Variants in TOMM20L observed in about 807,000 individuals in gnomAD.
The protein encoded by TOMM20L is translocase of outer mitochondrial membrane 20 like, also known as TOMM20-like protein 1.
In TOMM20L, 19 loss-of-function variants were observed where a neutral mutation model predicts 20.4. That is an observed-to-expected ratio of 0.93 (90% CI 0.65 to 1.36). The LOEUF (loss-of-function observed/expected upper bound fraction) is 1.36. Ranked by LOEUF, TOMM20L falls within the 40% of genes most tolerant of loss-of-function variation. The probability of loss-of-function intolerance (pLI) is 0.00; values close to 1 mark genes in which losing one functional copy is unlikely to be tolerated. For synonymous variants in TOMM20L, 75 were observed against 79.6 expected (o/e 0.94, Z 0.30); for missense variants, 218 against 203.7 (o/e 1.07, Z -0.43).
At position 58,400,449 on chromosome 14, in the gene TOMM20L, A is replaced by C. The variant is rs533226624; in HGVS notation, c.181-2231A>C. 7.9e-5 allele frequency among the ~76,000 whole-genome samples: 12 copies of C among 151,490 alleles called. No individual in the cohort carries two copies. The East Asian group carries it at 1.8e-3, about 22-fold the overall frequency. The stretch of plus-strand genomic sequence containing the variant: ...AAAAAAAAAAAAGAAAAAAAAAAAA[A>C]CAGTCTCAGCTTGGCGCTATGCCTT... On this transcript the variant is annotated intron_variant, in intron 2 of 4. Transcript: ENST00000360945.
chr14:58,400,550 T>C (rs999012575), intron 2 of TOMM20L, among the ~76,000 whole-genome samples: 3 of 152,176 alleles, frequency 2.0e-5, no homozygotes, highest in Non-Finnish European at 4.4e-5. Context: ...TCCTAGTTTA[T>C]AGCTGGCCTT....
intron 1 of TOMM20L, 79 bp downstream of exon 1, chr14:58,396,172 AGG>A: frequency 7.4e-7 from 1 of 1,345,150 alleles, no homozygotes; most frequent in Non-Finnish European, 9.6e-7. Flanking sequence ...CCCCACTGAG[AGG>A]CCGGGCCGTG....
At chr14:58,411,801 T>C (rs574686456), downstream of TOMM20L, 1 of 1,038,070 alleles carries the variant, frequency 9.6e-7, no homozygotes, top group African/African-American at 1.6e-5. Context: ...CCTCCCAACG[T>C]GCTGGGATTA....
At chr14:58,409,000 A>G (rs1328377584), downstream of TOMM20L, 2 of 1,592,108 alleles carry the variant, frequency 1.3e-6, no homozygotes, top group Non-Finnish European at 1.7e-6. Context: ...GCTGTTGGCA[A>G]TCTTTCATCA....
At chr14:58,407,805 T>C (rs1339630593) in intron 4 of TOMM20L, among the ~76,000 whole-genome samples, 5 of 152,224 alleles carry the variant, frequency 3.3e-5, no homozygotes, top group African/African-American at 1.2e-4. Context: ...AGGTTTAAAA[T>C]GGTATCAAAT....
At chr14:58,409,683 A>G (rs1309350627), downstream of TOMM20L, among the ~76,000 whole-genome samples, 1 of 151,972 alleles carries the variant, frequency 6.6e-6, no homozygotes. Flanking sequence ...AGTTCACGCC[A>G]TTCTCCTGCC....
At chr14:58,407,098 A>G (rs1419896673) in intron 3 of TOMM20L, among the ~76,000 whole-genome samples, 2 of 152,234 alleles carry the variant, frequency 1.3e-5, no homozygotes, top group Non-Finnish European at 2.9e-5. Flanking sequence ...ACTTCTAAAC[A>G]GTAAGAGTAT....
chr14:58,411,317 G>A (rs1408425194), downstream of TOMM20L, among the ~76,000 whole-genome samples: 5 of 151,814 alleles, frequency 3.3e-5, no homozygotes, highest in Admixed American at 1.3e-4. Flanking sequence ...GCGTGGTGGC[G>A]CATGCCTGTA....
chr14:58,413,576 C>T (rs937868874), downstream of TOMM20L, among the ~76,000 whole-genome samples: 1 of 152,268 alleles, frequency 6.6e-6, no homozygotes, highest in African/African-American at 2.4e-5. Context: ...AAAAGCCTTT[C>T]TGAATTCCTG....
At chr14:58,407,024 C>A (rs1251420364) in intron 3 of TOMM20L, among the ~76,000 whole-genome samples, 1 of 152,136 alleles carries the variant, frequency 6.6e-6, no homozygotes, top group Non-Finnish European at 1.5e-5. Context: ...TTACAAAAAA[C>A]CTCAGTATCC....
chr14:58,396,648 C>G (rs1421231822), intron 2 of TOMM20L, among the ~76,000 whole-genome samples: 1 of 152,266 alleles, frequency 6.6e-6, no homozygotes, highest in African/African-American at 2.4e-5. Context: ...CAGAGCCGCA[C>G]AGGACACTTA....
intron 4 of TOMM20L, among the ~76,000 whole-genome samples, chr14:58,408,179 G>T (rs2036093964): frequency 2.0e-5 from 3 of 152,182 alleles, no homozygotes; most frequent in Admixed American, 1.3e-4. Flanking sequence ...CACTTTGGGA[G>T]GCTGAGGCAG....
downstream of TOMM20L, among the ~76,000 whole-genome samples, chr14:58,412,650 C>T (rs912009289): frequency 1.3e-5 from 2 of 152,096 alleles, no homozygotes; most frequent in Non-Finnish European, 2.9e-5. Flanking sequence ...CCTGTAATCC[C>T]AGCACTTTGG....
At chr14:58,401,012 T>C (rs188854704) in intron 2 of TOMM20L, among the ~76,000 whole-genome samples, 1 of 152,338 alleles carries the variant, frequency 6.6e-6, no homozygotes, top group Non-Finnish European at 1.5e-5. Flanking sequence ...ACACTATCTT[T>C]TCTGAGAAGC....
downstream of TOMM20L, chr14:58,409,213 A>G: frequency 1.3e-6 from 2 of 1,592,778 alleles, no homozygotes; most frequent in Admixed American, 3.7e-5. Context: ...CAAAAATATG[A>G]ATTTTTTAAA....
chr14:58,396,333 G>A lies in TOMM20L; in HGVS notation c.172G>A (p.Gly58Ser), dbSNP rs140260851. 1.0e-2 allele frequency: 16,062 copies of A among 1,608,824 alleles called. 107 individuals carry two copies. Among genetic ancestry groups the A allele is most frequent in the Non-Finnish European group, 0.013 (14,759 of 1,176,046 alleles). Residue 58 changes from glycine (G) to serine (S), a missense_variant, in exon 2 of 5, where the codon GGC becomes AGC. Physicochemically the swap from Gly to Ser is moderately conservative, Grantham distance 56. Transcript: ENST00000360945. Reference sequence around the variant, plus strand: ...AGAGCCTCAAAAGGCTGAGGAGCAGGGCACGCAGGTGCAGTGCTTTCGATC... The same window carrying A: ...AGAGCCTCAAAAGGCTGAGGAGCAGAGCACGCAGGTGCAGTGCTTTCGATC... The part of the protein sequence containing the change: ...RAEPQKAEEQ[G>S]TQLWDPTKNK...
At chr14:58,408,808 C>G, downstream of TOMM20L, 1 of 695,296 alleles carries the variant, frequency 1.4e-6, no homozygotes, top group South Asian at 2.3e-5. Context: ...AAGGCCTCAA[C>G]AAATGTTGCA....
chr14:58,405,784 G>A (rs141393198), intron 3 of TOMM20L, among the ~76,000 whole-genome samples: 2,455 of 152,176 alleles, frequency 0.016, 71 homozygotes, highest in African/African-American at 0.055. Context: ...GATTACAGGC[G>A]TGAGCCACCA....
downstream of TOMM20L, chr14:58,411,026 C>G: frequency 3.5e-6 from 3 of 849,318 alleles, no homozygotes; most frequent in Non-Finnish European, 3.9e-6. Context: ...TATATTTAGA[C>G]AAAATATACT....
Sources: gnomAD v4.1 joint callset for allele counts (sites outside exome capture counted in the v4.1 genomes callset) on GRCh38, gnomAD v4.1.1 for gene constraint, MANE v1.5 for transcripts, NCBI Gene and HGNC (gene_info 2026-07-23, HGNC 2026-07-21) for gene names.